Variants in TMEM275 observed in about 807,000 individuals in gnomAD.
TMEM275 encodes transmembrane protein 275.
exon 2 of TMEM275, chr1:46,532,580 TG>T: frequency 6.4e-6 from 1 of 157,448 alleles, no homozygotes; most frequent in Non-Finnish European, 1.4e-5. Context: ...CCCACCTCAC[TG>T]GGGGGACTGC....
At position 46,533,321 on chromosome 1, in the gene TMEM275, C is replaced by G; in HGVS notation, c.207G>C (p.Leu69=). ...CGAAGAAGCCGAGCGCCAGCACCAGCAGCGCCAGCCCCACGACGAGCAGCG... is the reference window on the plus strand; with the variant it reads ...CGAAGAAGCCGAGCGCCAGCACCAGGAGCGCCAGCCCCACGACGAGCAGCG... The change falls in exon 2 of 2, where the codon CTG becomes CTC. Residue 69 remains leucine (L), a synonymous_variant. Transcript: ENST00000634804. The surrounding 1 kb of genome is among the most constrained non-coding windows in gnomAD (Gnocchi z 4.4). 1 of 370,684 alleles carries G rather than the reference C, an allele frequency of 2.7e-6. No individual in the cohort carries two copies. The highest frequency in any genetic ancestry group is 4.8e-6 in the Non-Finnish European group (1 of 208,292). 23.0% of individuals were successfully genotyped at this position (370,684 alleles called of 1,614,324 possible).
At chr1:46,534,742 A>C (rs547161801) in intron 1 of TMEM275, among the ~76,000 whole-genome samples, 159 bp from the exon 2 acceptor site, 1 of 152,320 alleles carries the variant, frequency 6.6e-6, no homozygotes, top group Admixed American at 6.5e-5. Flanking sequence ...ATTGTGGGGA[A>C]AAAATGCCAG....
rs1666690810 is a variant in TMEM275, at chr1:46,533,179, T to C, written c.349A>G (p.Ser117Gly). The C allele has an allele frequency of 2.6e-6, 1 of 379,776 alleles. No homozygotes were observed. Among genetic ancestry groups the C allele is most frequent in the South Asian group, 1.3e-4 (1 of 7,486 alleles). 23.5% of individuals were successfully genotyped at this position (379,776 alleles called of 1,614,324 possible). A position where few individuals can be genotyped will look rare whatever the true frequency, so the allele number is the denominator to read the frequency against. Residue 117 changes from serine to glycine, a missense_variant, in exon 2 of 2, where the codon AGC (serine) becomes GGC (glycine). Coordinates refer to ENST00000634804, the Ensembl canonical transcript of TMEM275. This position sits in a 1 kb window ranked among gnomAD's most constrained non-coding sequence, Gnocchi z 4.4. The stretch of plus-strand genomic sequence containing the variant: ...GTGGTGTCCTGTGCCGTGGGCTCGC[T>C]GCTCTCCATCTCCAGCGCCACGGGC...
rs1050141372 is a variant in TMEM275 at position 46,533,232 on chromosome 1, C to T, written c.296G>A (p.Gly99Asp). The change falls in exon 2 of 2, where the codon GGC becomes GAC. Residue 99 changes from glycine to aspartate, a missense_variant. Physicochemically the swap from Gly to Asp is moderately conservative, Grantham distance 94 (BLOSUM62 -1). Coordinates refer to ENST00000634804, the Ensembl canonical transcript of TMEM275. This position sits in a 1 kb window ranked among gnomAD's most constrained non-coding sequence, Gnocchi z 4.4. ...GGCGCGGCCGCCACCCTGGCCCGGG[C>T]CCGCCGCGGCCGCCGAGCGCCCACG... 3.0e-6 allele frequency: 1 copy of T among 332,912 alleles called. No individual in the cohort carries two copies. Among genetic ancestry groups the T allele is most frequent in the Non-Finnish European group, 5.4e-6 (1 of 185,396 alleles). The allele number at this position is 332,912 out of a possible 1,614,324, so 20.6% of individuals were successfully genotyped here.
At chr1:46,534,491 G>A (rs1666713150) in intron 1 of TMEM275, among the ~76,000 whole-genome samples, 4 of 152,234 alleles carry the variant, frequency 2.6e-5, no homozygotes, top group Admixed American at 2.0e-4. Context: ...TGTTGAACCT[G>A]GATTCAAAAG....
At chr1:46,532,410 T>C (rs1666679112) in exon 2 of TMEM275, 1 of 152,274 alleles carries the variant, frequency 6.6e-6, no homozygotes, top group Non-Finnish European at 1.5e-5. Context: ...CTGGCCCAAG[T>C]CAGAGCCACG....
At position 46,534,492 on chromosome 1, in the gene TMEM275, G is replaced by C. The variant is rs1666713191; in HGVS notation, c.-123-842C>G. ...CCCCATTGTTTTACTGTTGAACCTG[G>C]ATTCAAAAGCCTAATTGCTGGATGC... On this transcript the variant is annotated intron_variant, in intron 1 of 1. The change creates a new upstream start codon in the 5' untranslated region. Transcript: ENST00000634804. Among the ~76,000 whole-genome samples, 1 of 152,122 alleles carries C rather than the reference G, an allele frequency of 6.6e-6. No homozygotes were observed. Among genetic ancestry groups the C allele is most frequent in the African/African-American group, 2.4e-5 (1 of 41,424 alleles).
Position 46,533,296 on chromosome 1 carries a change from C to G in TMEM275, c.232G>C (p.Ala78Pro). ...CGGCGGCTACACACGCAGCAGGCCG[C>G]GAAGAAGCCGAGCGCCAGCACCAGC... Residue 78 changes from alanine (A) to proline (P), a missense_variant, in exon 2 of 2, where the codon GCG becomes CCG. By Grantham distance (27) the Ala-to-Pro change is conservative. Coordinates refer to ENST00000634804, the Ensembl canonical transcript of TMEM275. This position sits in a 1 kb window ranked among gnomAD's most constrained non-coding sequence, Gnocchi z 4.4. 1 of 362,786 alleles carries G rather than the reference C, an allele frequency of 2.8e-6. No individual in the cohort carries two copies. Among genetic ancestry groups the G allele is most frequent in the South Asian group, 1.3e-4 (1 of 7,612 alleles). 22.5% of individuals were successfully genotyped at this position (362,786 alleles called of 1,614,324 possible). A position where few individuals can be genotyped will look rare whatever the true frequency, so the allele number is the denominator to read the frequency against.
In TMEM275 at chr1:46,534,196, C is replaced by G. The variant is rs555155397; in HGVS notation, c.-123-546G>C. On this transcript the variant is annotated intron_variant, in intron 1 of 1. Transcript: ENST00000634804. ...GAGGTCTAGCAGTTTATCCAAGATC[C>G]AGAACCAGGACCCAAATGACCATGC... Among the ~76,000 whole-genome samples the G allele has an allele frequency of 2.2e-4, 33 of 149,806 alleles. No homozygotes were observed. In the East Asian group the frequency reaches 6.6e-3, roughly 30 times the overall value.
chr1:46,534,569 C>G (rs1050129774), intron 1 of TMEM275, among the ~76,000 whole-genome samples: 25 of 152,158 alleles, frequency 1.6e-4, no homozygotes, highest in African/African-American at 6.0e-4. Flanking sequence ...GGATCTATCA[C>G]TGGATTCTAG....
chr1:46,532,915 C>G, exon 2 of TMEM275: 2 of 391,720 alleles, frequency 5.1e-6, no homozygotes, highest in Non-Finnish European at 9.0e-6. Context: ...TTTTTCTTTT[C>G]TTTCTTTTCC....
rs114746843 is a variant in TMEM275 at position 46,533,567 on chromosome 1, C to A, written c.-40G>T. The A allele has an allele frequency of 0.19, 74,729 of 385,978 alleles. 7,470 individuals carry two copies. The highest frequency in any genetic ancestry group is 0.26 in the Admixed American group (5,803 of 22,300). The allele number at this position is 385,978 out of a possible 1,614,324, so 23.9% of individuals were successfully genotyped here. The stretch of plus-strand genomic sequence containing the variant: ...CAGGCACGCATCAAGCTCCCTCCTG[C>A]CGCCGGCCCGGAACAGCCCAACTGC... On this transcript the variant is annotated 5_prime_UTR_variant, in exon 2 of 2. Transcript: ENST00000634804. The surrounding 1 kb of genome is among the most constrained non-coding windows in gnomAD (Gnocchi z 4.4).
exon 2 of TMEM275, chr1:46,532,721 G>A (rs1352271237): frequency 3.3e-6 from 1 of 301,216 alleles, no homozygotes; most frequent in Non-Finnish European, 6.1e-6. Context: ...AGGTTTACTA[G>A]AGACCAGAGA....
rs1453917780 is a variant in TMEM275 at position 46,533,252 on chromosome 1, CCCACGGGGCGCGAGGCCCCGGCGG to C, written c.252_275del (p.Ser84_Gly92delinsArg). The C allele has an allele frequency of 5.9e-6, 2 of 337,750 alleles. No homozygotes were observed. Among genetic ancestry groups the C allele is most frequent in the African/African-American group, 4.3e-5 (2 of 46,036 alleles). 20.9% of individuals were successfully genotyped at this position (337,750 alleles called of 1,614,324 possible). ...CCGGGCCCGCCGCGGCCGCCGAGCG[CCCACGGGGCGCGAGGCCCCGGCGG>C]CTACACACGCAGCAGGCCGCGAAGA... On this transcript the variant is annotated inframe_deletion, in exon 2 of 2. Transcript: ENST00000634804. This position sits in a 1 kb window ranked among gnomAD's most constrained non-coding sequence, Gnocchi z 4.4.
intron 1 of TMEM275, among the ~76,000 whole-genome samples, 98 bp downstream of exon 2, chr1:46,534,355 TGA>T (rs1666711645): frequency 6.6e-6 from 1 of 152,120 alleles, no homozygotes; most frequent in African/African-American, 2.4e-5. Flanking sequence ...AGACGGTCAG[TGA>T]GAGGGCACAG....
intron 1 of TMEM275, among the ~76,000 whole-genome samples, 29 bp from the exon 2 acceptor site, chr1:46,534,612 T>C (rs2148500895): frequency 6.6e-6 from 1 of 152,274 alleles, no homozygotes; most frequent in South Asian, 2.1e-4. Flanking sequence ...ACAAGAGTAA[T>C]AAAATTAGAG....
Position 46,533,492 on chromosome 1 carries a change from G to A in TMEM275, c.36C>T (p.Val12=). The stretch of plus-strand genomic sequence containing the variant: ...CCCGGGCGCGTTCCGCGGGCGCCGG[G>A]ACCGGTGGCCCCTCGCTCTTTTCTG... The change falls in exon 2 of 2, where the codon GTC becomes GTT. Residue 12 remains valine (V), a synonymous_variant. Coordinates refer to ENST00000634804, the Ensembl canonical transcript of TMEM275. The surrounding 1 kb of genome is among the most constrained non-coding windows in gnomAD (Gnocchi z 4.4). The A allele has an allele frequency of 2.6e-6, 1 of 389,190 alleles. No individual in the cohort carries two copies. The highest frequency in any genetic ancestry group is 4.5e-6 in the Non-Finnish European group (1 of 219,914). The allele number at this position is 389,190 out of a possible 1,614,324, so 24.1% of individuals were successfully genotyped here. A position where few individuals can be genotyped will look rare whatever the true frequency, so the allele number is the denominator to read the frequency against.
chr1:46,532,906 TTTTCTTTTC>T, exon 2 of TMEM275: 1 of 389,610 alleles, frequency 2.6e-6, no homozygotes, highest in Non-Finnish European at 4.5e-6. Context: ...TCTTTTTTCT[TTTTCTTTTC>T]TTTCTTTTCC....
At chr1:46,534,110 A>G (rs887357934) in intron 1 of TMEM275, among the ~76,000 whole-genome samples, 69 bp from the exon 3 acceptor site, 8 of 152,084 alleles carry the variant, frequency 5.3e-5, no homozygotes, top group Non-Finnish European at 8.8e-5. Context: ...GGCCTTGGAA[A>G]TCATCTGACC....
Sources: allele counts gnomAD v4.1 joint callset (sites outside exome capture counted in the v4.1 genomes callset), GRCh38; gene constraint gnomAD v4.1.1; non-coding constraint Gnocchi (gnomAD v3.1); transcripts MANE v1.5; gene names NCBI Gene and HGNC (gene_info 2026-07-23, HGNC 2026-07-21).